The following MPPED2 variants were observed in gnomAD, a reference collection of about 807,000 sequenced individuals.
MPPED2 encodes the protein metallophosphoesterase domain containing 2.
A neutral mutation model predicts 33.0 loss-of-function variants in MPPED2; 5 were observed. The observed-to-expected ratio is 0.15, with a 90% CI of 0.08 to 0.32. The LOEUF (loss-of-function observed/expected upper bound fraction) is 0.32. Ranked by LOEUF, MPPED2 falls within the 10% of genes least tolerant of loss-of-function variation. The probability of loss-of-function intolerance (pLI) is 1.00; values close to 1 mark genes in which losing one functional copy is unlikely to be tolerated. For synonymous variants in MPPED2, 136 were observed against 141.9 expected (o/e 0.96, Z 0.29); for missense variants, 275 against 372.1 (o/e 0.74, Z 2.15).
At chr11:30,535,962 A>AT in intron 3 of MPPED2, 32 bp downstream of exon 3, 1 of 1,552,966 alleles carries the variant, frequency 6.4e-7, no homozygotes, top group Non-Finnish European at 8.7e-7. Flanking sequence ...GGAAAGGTTA[A>AT]TTGGGGCCGC....
rs1424010127 is a variant in MPPED2 at position 30,474,492 on chromosome 11, G to A, written c.536+20804C>T. Among the ~76,000 whole-genome samples the A allele has an allele frequency of 2.0e-5, 3 of 152,070 alleles. No individual in the cohort carries two copies. The East Asian group carries it at 5.8e-4, about 29-fold the overall frequency. ...ACTGTTAATTTGTGTGGTACCGATG[G>A]GGTCCACCCTGCCTGGCTTGGGAAG... is the stretch of plus-strand genomic sequence containing the variant. On this transcript the variant is annotated intron_variant, in intron 4 of 6. Coordinates refer to ENST00000358117, the MANE Select transcript of MPPED2 (RefSeq NM_001584.3).
rs79208684 is a variant in MPPED2, at chr11:30,417,329, C to A, written c.652+189G>T. On this transcript the variant is annotated intron_variant, in intron 5 of 6. Transcript: ENST00000358117. ...AAATCAAAAAATTTAATTTCAAGAA[C>A]ACCTGTAAGCCCAGCAGAACTGCTG... Among the ~76,000 whole-genome samples, 293 of 152,074 alleles carry A rather than the reference C, an allele frequency of 1.9e-3. 1 individual carries two copies. Among genetic ancestry groups the A allele is most frequent in the African/African-American group, 6.7e-3 (280 of 41,496 alleles).
intron 4 of MPPED2, among the ~76,000 whole-genome samples, chr11:30,460,647 C>T (rs1018000516): frequency 1.3e-5 from 2 of 152,040 alleles, no homozygotes; most frequent in African/African-American, 2.4e-5. Flanking sequence ...ATTAAATAAA[C>T]AAATAAATAT....
At chr11:30,558,460 G>T (rs188491061) in intron 2 of MPPED2, among the ~76,000 whole-genome samples, 9 of 150,048 alleles carry the variant, frequency 6.0e-5, no homozygotes, top group Admixed American at 6.0e-4. Flanking sequence ...TCTGCCACCA[G>T]GCTGCAGTGC....
chr11:30,422,720 T>C (rs1479741855), intron 4 of MPPED2, among the ~76,000 whole-genome samples: 21 of 152,124 alleles, frequency 1.4e-4, no homozygotes, highest in South Asian at 2.1e-4. Context: ...TAATTAGCTG[T>C]GACTAACAAA....
intron 2 of MPPED2, among the ~76,000 whole-genome samples, chr11:30,577,871 G>T (rs1956997239): frequency 6.6e-6 from 1 of 152,166 alleles, no homozygotes; most frequent in Non-Finnish European, 1.5e-5. Context: ...TCTATTCAAT[G>T]CATAATCAAA....
At chr11:30,443,535 A>G (rs1369061880) in intron 4 of MPPED2, among the ~76,000 whole-genome samples, 2 of 152,060 alleles carry the variant, frequency 1.3e-5, no homozygotes, top group African/African-American at 2.4e-5. Context: ...TGCAGGTGGG[A>G]GGGTGGGGAG....
chr11:30,456,348 G>T (rs940054476), intron 4 of MPPED2, among the ~76,000 whole-genome samples: 1 of 152,226 alleles, frequency 6.6e-6, no homozygotes, highest in Non-Finnish European at 1.5e-5. Flanking sequence ...GAATGGTTCA[G>T]TTGAGGGGAA....
chr11:30,539,051 G>A (rs1014829989), intron 2 of MPPED2, among the ~76,000 whole-genome samples: 2 of 152,136 alleles, frequency 1.3e-5, no homozygotes, highest in African/African-American at 4.8e-5. Flanking sequence ...AAGACCTCTA[G>A]CAGAGTGGGC....
At chr11:30,389,842 C>T (rs559346372) in intron 6 of MPPED2, among the ~76,000 whole-genome samples, 24 of 152,150 alleles carry the variant, frequency 1.6e-4, no homozygotes, top group Admixed American at 9.8e-4. Flanking sequence ...TAATGTTCTC[C>T]CTAAAGACCA....
intron 5 of MPPED2, among the ~76,000 whole-genome samples, chr11:30,416,763 C>A (rs1471319891): frequency 6.6e-6 from 1 of 152,200 alleles, no homozygotes; most frequent in Admixed American, 6.5e-5. Context: ...AGGGTCCTGG[C>A]ATAATGGGTA....
chr11:30,538,924 G>A (rs1314828437), intron 2 of MPPED2, among the ~76,000 whole-genome samples: 2 of 152,172 alleles, frequency 1.3e-5, no homozygotes, highest in Non-Finnish European at 2.9e-5. Context: ...GCAAGAGATG[G>A]TTTCAGAAGA....
At chr11:30,428,480 A>G (rs1684291026) in intron 4 of MPPED2, among the ~76,000 whole-genome samples, 1 of 152,190 alleles carries the variant, frequency 6.6e-6, no homozygotes, top group Non-Finnish European at 1.5e-5. Flanking sequence ...TTGAAGATGC[A>G]GTGAGCTCTG....
chr11:30,500,232 T>A (rs1022747564), intron 3 of MPPED2, among the ~76,000 whole-genome samples: 28 of 152,204 alleles, frequency 1.8e-4, no homozygotes, highest in Non-Finnish European at 3.8e-4. Flanking sequence ...ACTACAGTGG[T>A]GTGATCCATT....
At chr11:30,486,883 A>G (rs574705781) in intron 4 of MPPED2, among the ~76,000 whole-genome samples, 3 of 152,288 alleles carry the variant, frequency 2.0e-5, no homozygotes, top group Admixed American at 2.0e-4. Flanking sequence ...TTGTATGTCC[A>G]TGACTGTGCC....
At chr11:30,544,822 T>C (rs1465076943) in intron 2 of MPPED2, among the ~76,000 whole-genome samples, 2 of 152,256 alleles carry the variant, frequency 1.3e-5, no homozygotes, top group Admixed American at 6.5e-5. Context: ...CAAGGTAGTA[T>C]GTCGATTTCA....
chr11:30,586,543 G>T (rs1275055999), upstream of MPPED2, among the ~76,000 whole-genome samples: 3 of 152,170 alleles, frequency 2.0e-5, no homozygotes, highest in Non-Finnish European at 4.4e-5. The surrounding 1 kb of genome is among the most constrained non-coding windows in gnomAD (Gnocchi z 4.8). Context: ...CCGAGGGCGA[G>T]GCCCGGTAGC....
At chr11:30,428,891 C>A (rs778310806) in intron 4 of MPPED2, 1 of 152,080 alleles carries the variant, frequency 6.6e-6, no homozygotes, top group Non-Finnish European at 1.5e-5. Context: ...ATATCACCAA[C>A]CCTTTGGTTT....
chr11:30,548,827 G>T (rs1955566541), intron 2 of MPPED2, among the ~76,000 whole-genome samples: 2 of 152,168 alleles, frequency 1.3e-5, no homozygotes, highest in South Asian at 2.1e-4. Flanking sequence ...TTCCCAGGGG[G>T]ACACTGCGTT....
Sources: allele counts gnomAD v4.1 joint callset (sites outside exome capture counted in the v4.1 genomes callset), GRCh38; gene constraint gnomAD v4.1.1; non-coding constraint Gnocchi (gnomAD v3.1); transcripts MANE v1.5; gene names NCBI Gene and HGNC (gene_info 2026-07-23, HGNC 2026-07-21).